MGAT4C: variants seen among roughly 807,000 people sequenced by gnomAD.
MGAT4C encodes the protein alpha-1,3-mannosyl-glycoprotein 4-beta-N-acetylglucosaminyltransferase C.
Under a neutral mutation model 40.1 loss-of-function variants are expected in MGAT4C, and 19 were observed. That is an observed-to-expected ratio of 0.47 (90% CI 0.33 to 0.70). The LOEUF (loss-of-function observed/expected upper bound fraction) is 0.70, where lower values mean the gene tolerates loss of function less well. Among genes scored for constraint, MGAT4C ranks in the 30% least tolerant of loss-of-function variants. The pLI, the probability that MGAT4C is intolerant of heterozygous loss-of-function variation, is 0.02. For synonymous variants in MGAT4C, 181 were observed against 187.1 expected, an observed-to-expected ratio of 0.97 and a Z score of 0.27; for missense variants, 491 against 563.2, an observed-to-expected ratio of 0.87 and a Z score of 1.30.
chr12:86,719,745 G>T (rs902780289), intron 2 of MGAT4C, among the ~76,000 whole-genome samples: 36 of 152,116 alleles, frequency 2.4e-4, no homozygotes, highest in Non-Finnish European at 4.7e-4. Context: ...TACTGTCCCT[G>T]TTCTTGCATT....
intron 2 of MGAT4C, among the ~76,000 whole-genome samples, chr12:86,498,492 A>G (rs1958281129): frequency 6.6e-6 from 1 of 151,936 alleles, no homozygotes; most frequent in Non-Finnish European, 1.5e-5. Flanking sequence ...ATTTAGTACC[A>G]TCAAATATAC....
intron 1 of MGAT4C, among the ~76,000 whole-genome samples, chr12:86,754,797 C>G (rs1483128139): frequency 6.6e-6 from 1 of 152,002 alleles, no homozygotes; most frequent in East Asian, 1.9e-4. Context: ...CTTTCTGTCC[C>G]CTGGACAGAG....
intron 2 of MGAT4C, among the ~76,000 whole-genome samples, chr12:86,023,489 A>C (rs191967781): frequency 6.6e-6 from 1 of 151,340 alleles, no homozygotes; most frequent in East Asian, 1.9e-4. Flanking sequence ...CCAAGTGGTG[A>C]AGCTAGATTT....
intron 2 of MGAT4C, among the ~76,000 whole-genome samples, chr12:86,688,050 GTTC>G (rs1305370658): frequency 4.0e-5 from 6 of 150,430 alleles, no homozygotes; most frequent in African/African-American, 1.2e-4. Context: ...AGGATAGTTA[GTTC>G]TTCTTTTTGC....
At chr12:86,817,892 C>T (rs142674910) in intron 1 of MGAT4C, among the ~76,000 whole-genome samples, 44 of 151,250 alleles carry the variant, frequency 2.9e-4, no homozygotes, top group Non-Finnish European at 6.1e-4. Context: ...TTTAAACTGC[C>T]TAAAGCAGGA....
chr12:86,021,668 A>G (rs1592708286), intron 2 of MGAT4C, among the ~76,000 whole-genome samples: 1 of 152,114 alleles, frequency 6.6e-6, no homozygotes. Context: ...TAGCACACCA[A>G]CATGGCACAT....
intron 3 of MGAT4C, among the ~76,000 whole-genome samples, chr12:86,342,599 C>T (rs555751114): frequency 2.0e-5 from 3 of 152,208 alleles, no homozygotes; most frequent in South Asian, 4.1e-4. Context: ...TCACCACGCC[C>T]GGCTAATTTT....
chr12:86,805,056 T>C (rs1315702854), intron 1 of MGAT4C, among the ~76,000 whole-genome samples: 1 of 152,060 alleles, frequency 6.6e-6, no homozygotes, highest in East Asian at 1.9e-4. Flanking sequence ...TTGCCAATTA[T>C]ATTGTTATCA....
chr12:86,835,769 A>G (rs1317085895), intron 1 of MGAT4C, among the ~76,000 whole-genome samples: 1 of 151,936 alleles, frequency 6.6e-6, no homozygotes, highest in Non-Finnish European at 1.5e-5. Flanking sequence ...TGCAAACAGT[A>G]CTCACATGCT....
chr12:85,977,506 A>G lies in MGAT4C; in HGVS notation c.*1783T>C, dbSNP rs1281073196. The G allele has an allele frequency of 6.6e-6, 1 of 151,498 alleles. No individual in the cohort carries two copies. Among genetic ancestry groups the G allele is most frequent in the African/African-American group, 2.4e-5 (1 of 41,398 alleles). 9.4% of individuals were successfully genotyped at this position (151,498 alleles called of 1,614,324 possible). On this transcript the variant is annotated 3_prime_UTR_variant, in exon 5 of 5. Coordinates refer to ENST00000611864, the MANE Select transcript of MGAT4C (RefSeq NM_001351288.2). ...GTAAGATTTAGGTGCCTCACAAAATATTAATATTTAGCCTCTTATGAAAGG... is the reference window on the plus strand; with the variant it reads ...GTAAGATTTAGGTGCCTCACAAAATGTTAATATTTAGCCTCTTATGAAAGG...
chr12:86,492,796 T>C (rs79206704), intron 2 of MGAT4C, among the ~76,000 whole-genome samples: 9,790 of 152,038 alleles, frequency 0.064, 754 homozygotes, highest in East Asian at 0.24. Context: ...AATTGATAAA[T>C]GGGATCTAAT....
chr12:86,075,471 G>T (rs1459291761), intron 1 of MGAT4C, among the ~76,000 whole-genome samples: 1 of 152,160 alleles, frequency 6.6e-6, no homozygotes, highest in Non-Finnish European at 1.5e-5. Flanking sequence ...AGTTCTCAGT[G>T]GATCTACCAT....
At chr12:86,379,970 C>G (rs1955898347) in intron 3 of MGAT4C, among the ~76,000 whole-genome samples, 2 of 152,044 alleles carry the variant, frequency 1.3e-5, no homozygotes, top group South Asian at 4.1e-4. Flanking sequence ...ATAGGAGAGG[C>G]TAATAAAGCC....
At chr12:86,576,529 T>A (rs2136428039) in intron 2 of MGAT4C, among the ~76,000 whole-genome samples, 1 of 152,048 alleles carries the variant, frequency 6.6e-6, no homozygotes, top group Non-Finnish European at 1.5e-5. Context: ...AGTTTCATTC[T>A]TTTGCATATG....
At chr12:86,470,473 A>C (rs1172692312) in intron 2 of MGAT4C, among the ~76,000 whole-genome samples, 2 of 152,076 alleles carry the variant, frequency 1.3e-5, no homozygotes, top group Admixed American at 6.6e-5. Context: ...CCAACACCAA[A>C]TGTGAGCCTA....
intron 2 of MGAT4C, among the ~76,000 whole-genome samples, chr12:86,596,508 C>T (rs1961543864): frequency 6.6e-6 from 1 of 152,150 alleles, no homozygotes; most frequent in Non-Finnish European, 1.5e-5. Context: ...GAGCCGATGG[C>T]CCAACACATA....
At chr12:86,449,682 T>A (rs755687435) in intron 2 of MGAT4C, among the ~76,000 whole-genome samples, 32 of 152,320 alleles carry the variant, frequency 2.1e-4, no homozygotes, top group Non-Finnish European at 4.0e-4. Flanking sequence ...CACTATGTTT[T>A]ATGTCTAATT....
intron 4 of MGAT4C, among the ~76,000 whole-genome samples, chr12:86,307,760 TG>T (rs1953974263): frequency 6.7e-6 from 1 of 150,344 alleles, no homozygotes; most frequent in Non-Finnish European, 1.5e-5. Flanking sequence ...TGGAGTGCAG[TG>T]GCGCGATCTC....
intron 2 of MGAT4C, among the ~76,000 whole-genome samples, chr12:86,436,502 C>T (rs1355661630): frequency 6.6e-6 from 1 of 151,420 alleles, no homozygotes; most frequent in Non-Finnish European, 1.5e-5. Flanking sequence ...TATTATGTAA[C>T]AATTGTCTTT....
Sources: allele counts gnomAD v4.1 joint callset (sites outside exome capture counted in the v4.1 genomes callset), GRCh38; gene constraint gnomAD v4.1.1; transcripts MANE v1.5; gene names NCBI Gene and HGNC (gene_info 2026-07-23, HGNC 2026-07-21).